NISCH: variants seen among roughly 807,000 people sequenced by gnomAD.
NISCH encodes the protein I-1 receptor candidate protein.
NISCH carries 55 observed loss-of-function variants against 138.4 expected under a neutral mutation model. The observed-to-expected ratio is 0.40, with a 90% CI of 0.32 to 0.50. The LOEUF is 0.50. Among genes scored for constraint, NISCH ranks in the 20% least tolerant of loss-of-function variants. The pLI, the probability that NISCH is intolerant of heterozygous loss-of-function variation, is 0.71. For missense variants in NISCH, 1,643 were observed against 2,005.5 expected (o/e 0.82, Z 3.45); for synonymous variants, 860 against 861.5 (o/e 1.00, Z 0.03).
rs781228921 is a variant in NISCH, at chr3:52,490,851, CT to C, written c.3742+21del. 8.7e-6 allele frequency: 14 copies of C among 1,613,736 alleles called. No homozygotes were observed. In the South Asian group the frequency reaches 1.5e-4, roughly 18 times the overall value. On this transcript the variant is annotated intron_variant, in intron 19 of 20. Transcript: ENST00000345716. ...GCTGACGGGTGGGTGACCCTCTGTG[CT>C]TTGTCCTATTTCGGGTGAAGGCCAG...
At position 52,460,630 on chromosome 3, in the gene NISCH, G is replaced by A. The variant is rs796287655; in HGVS notation, c.360+1786G>A. ...TATTGCTCAGGTTGGCCTCAAACTCGAACTCAAGCCATCCTCCCACCTCTG... is the reference window on the plus strand; with the variant it reads ...TATTGCTCAGGTTGGCCTCAAACTCAAACTCAAGCCATCCTCCCACCTCTG... On this transcript the variant is annotated intron_variant, in intron 3 of 20. Coordinates refer to ENST00000345716, the MANE Select transcript of NISCH (RefSeq NM_007184.4). 4.6e-5 allele frequency among the ~76,000 whole-genome samples: 7 copies of A among 152,152 alleles called. No individual in the cohort carries two copies. The South Asian group carries it at 1.5e-3, about 32-fold the overall frequency.
At position 52,489,798 on chromosome 3, in the gene NISCH, C is replaced by T. The variant is rs551748676; in HGVS notation, c.3456+120C>T. On this transcript the variant is annotated intron_variant, in intron 17 of 20. Coordinates refer to ENST00000345716, the MANE Select transcript of NISCH (RefSeq NM_007184.4). ...CCTGATGTCGGAGTCCTCAGCTGAG[C>T]TGCTCACAGCTTTGAGGACCTGGGC... is the stretch of plus-strand genomic sequence containing the variant. 73 of 1,458,644 alleles carry T rather than the reference C, an allele frequency of 5.0e-5. No homozygotes were observed. In the African/African-American group the frequency reaches 9.3e-4, roughly 19 times the overall value. The allele number at this position is 1,458,644 out of a possible 1,614,324, so 90.4% of individuals were successfully genotyped here. A position where few individuals can be genotyped will look rare whatever the true frequency, so the allele number is the denominator to read the frequency against.
intron 3 of NISCH, 69 bp from the exon 4 acceptor site, chr3:52,470,790 G>T (rs1706921607): frequency 3.9e-6 from 5 of 1,269,398 alleles, no homozygotes; most frequent in Non-Finnish European, 5.8e-6. Context: ...GGGATAGATA[G>T]CGGGGAATGT....
At chr3:52,470,363 T>G (rs538370422) in intron 3 of NISCH, among the ~76,000 whole-genome samples, 2 of 152,328 alleles carry the variant, frequency 1.3e-5, no homozygotes, top group East Asian at 3.9e-4. Context: ...ACTCTTTTCC[T>G]GAGACACATT....
rs1454743892 is a variant in NISCH at position 52,473,767 on chromosome 3, C to T, written c.703C>T (p.Leu235=). ...SHCDAKHIRG[L]VASKPTLATL... ...CTGTGATGCTAAGCACATCAGAGGGCTGGTCGCATCGAAGCCCACCTTAGC... is the reference window on the plus strand; with the variant it reads ...CTGTGATGCTAAGCACATCAGAGGGTTGGTCGCATCGAAGCCCACCTTAGC... Residue 235 remains leucine (L), a synonymous_variant, in exon 7 of 21, where the codon CTG becomes TTG. Transcript: ENST00000345716. 3 of 1,608,972 alleles carry T rather than the reference C, an allele frequency of 1.9e-6. No individual in the cohort carries two copies. The highest frequency in any genetic ancestry group is 2.6e-6 in the Non-Finnish European group (3 of 1,175,824).
At position 52,463,631 on chromosome 3, in the gene NISCH, T is replaced by C. The variant is rs80293843; in HGVS notation, c.360+4787T>C. Among the ~76,000 whole-genome samples, 212 of 151,954 alleles carry C rather than the reference T, an allele frequency of 1.4e-3. 2 individuals are homozygous for C. Among genetic ancestry groups the C allele is most frequent in the African/African-American group, 4.6e-3 (192 of 41,496 alleles). ...CACTTCTTGTCCATTTTTTTTTAAA[T>C]CTTAGTTGTTCTGGTGGGTGTGAAG... On this transcript the variant is annotated intron_variant, in intron 3 of 20. Coordinates refer to ENST00000345716, the MANE Select transcript of NISCH (RefSeq NM_007184.4).
At chr3:52,488,851 C>T (rs1707484900) in intron 16 of NISCH, among the ~76,000 whole-genome samples, 1 of 152,208 alleles carries the variant, frequency 6.6e-6, no homozygotes, top group Admixed American at 6.5e-5. Flanking sequence ...GTTGGCCCAG[C>T]CTCTTGCCAC....
intron 3 of NISCH, among the ~76,000 whole-genome samples, chr3:52,466,967 T>C (rs1706797460): frequency 6.6e-6 from 1 of 151,828 alleles, no homozygotes; most frequent in Admixed American, 6.6e-5. Flanking sequence ...TGTTAACAGT[T>C]TGTAAACATA....
At chr3:52,489,219 C>G (rs1707494543) in intron 16 of NISCH, 117 bp from the exon 17 acceptor site, 1 of 1,270,136 alleles carries the variant, frequency 7.9e-7, no homozygotes. Context: ...GGTGGAAGTC[C>G]CCAGTAACCC....
Position 52,487,283 on chromosome 3 carries a change from C to A in NISCH, c.1791C>A (p.Ala597=). 1 of 1,614,172 alleles carries A rather than the reference C, an allele frequency of 6.2e-7. No individual in the cohort carries two copies. Among genetic ancestry groups the A allele is most frequent in the Non-Finnish European group, 8.5e-7 (1 of 1,180,046 alleles). The change falls in exon 16 of 21, where the codon GCC becomes GCA. Residue 597 remains alanine, a synonymous_variant. Transcript: ENST00000345716. The surrounding 1 kb of genome is among the most constrained non-coding windows in gnomAD (Gnocchi z 9.1). The stretch of plus-strand genomic sequence containing the variant: ...CCTTCACCTGCATTGGCTACACGGC[C>A]ACCAATCAGGACTTCATCCAGCGCC... ...FLPFTCIGYT[A]TNQDFIQRLS...
chr3:52,489,237 A>G (rs1033134499), intron 16 of NISCH, 99 bp from the exon 17 acceptor site: 17 of 1,397,140 alleles, frequency 1.2e-5, no homozygotes, highest in Non-Finnish European at 1.7e-5. Context: ...CCCAGAGGTG[A>G]TGTGTGATGC....
rs777667289 is a variant in NISCH, at chr3:52,487,819, C to A, written c.2327C>A (p.Pro776Gln). ...GDLTEFGFLM[P>Q]ELCLVLKVRH... ...CTCACCGAGTTTGGCTTCCTCATGCCGGAGCTGTGTCTGGTGCTCAAGGTA... is the reference window on the plus strand; with the variant it reads ...CTCACCGAGTTTGGCTTCCTCATGCAGGAGCTGTGTCTGGTGCTCAAGGTA... Residue 776 changes from proline to glutamine, a missense_variant, in exon 16 of 21, where the codon CCG becomes CAG. Transcript: ENST00000345716. The surrounding 1 kb of genome is among the most constrained non-coding windows in gnomAD (Gnocchi z 9.1). 6.2e-7 allele frequency: 1 copy of A among 1,613,354 alleles called. No individual in the cohort carries two copies. Among genetic ancestry groups the A allele is most frequent in the Non-Finnish European group, 8.5e-7 (1 of 1,179,940 alleles).
chr3:52,490,621 C>CTGT, intron 18 of NISCH, 84 bp from the exon 19 acceptor site: 1 of 1,582,542 alleles, frequency 6.3e-7, no homozygotes, highest in Non-Finnish European at 8.6e-7. Context: ...CCAAGAGGAC[C>CTGT]TGTTCCTGCT....
chr3:52,484,730 C>A, intron 14 of NISCH, 93 bp downstream of exon 14: 1 of 1,460,276 alleles, frequency 6.8e-7, no homozygotes, highest in Non-Finnish European at 9.5e-7. Flanking sequence ...CTAGCTGGAG[C>A]TGAGGCAGAT....
Position 52,488,337 on chromosome 3 carries a change from T to TCCA in NISCH, c.2848_2850dup (p.Thr950dup). 4 of 1,613,204 alleles carry TCCA rather than the reference T, an allele frequency of 2.5e-6. No homozygotes were observed. The highest frequency in any genetic ancestry group is 3.4e-6 in the Non-Finnish European group (4 of 1,180,004). ...CTTCAAGCTCAGCCGTGTGCCGCTCTCCACCGTGCTGCTGGACCCCACACG... is the reference window on the plus strand; with the variant it reads ...CTTCAAGCTCAGCCGTGTGCCGCTCTCCACCACCGTGCTGCTGGACCCCACACG... On this transcript the variant is annotated inframe_insertion, in exon 16 of 21. Transcript: ENST00000345716.
intron 3 of NISCH, among the ~76,000 whole-genome samples, chr3:52,462,094 C>T (rs1706652220): frequency 6.6e-6 from 1 of 152,110 alleles, no homozygotes; most frequent in Admixed American, 6.6e-5. Context: ...CCGGCTACAT[C>T]TGGTTCTGGT....
intron 3 of NISCH, among the ~76,000 whole-genome samples, chr3:52,465,035 A>G (rs1017755832): frequency 6.6e-6 from 1 of 152,202 alleles, no homozygotes; most frequent in Admixed American, 6.5e-5. Flanking sequence ...AGTTCAATTT[A>G]TCAATTTCTT....
Position 52,464,114 on chromosome 3 carries a change from G to A in NISCH, c.360+5270G>A, listed in dbSNP as rs1008883232. Reference sequence around the variant, plus strand: ...TCTTTGTCTTTTTAAAAATCAGATTGGGCCGGGCGCGGGTGGCTCATGCCT... The same window carrying A: ...TCTTTGTCTTTTTAAAAATCAGATTAGGCCGGGCGCGGGTGGCTCATGCCT... On this transcript the variant is annotated intron_variant, in intron 3 of 20. Transcript: ENST00000345716. 3.3e-5 allele frequency among the ~76,000 whole-genome samples: 5 copies of A among 151,794 alleles called. No homozygotes were observed. In the East Asian group the frequency reaches 9.7e-4, roughly 30 times the overall value.
chr3:52,479,693 C>T, intron 11 of NISCH, 56 bp from the exon 12 acceptor site: 1 of 1,235,934 alleles, frequency 8.1e-7, no homozygotes, highest in Non-Finnish European at 1.2e-6. Flanking sequence ...CACCAGTCCC[C>T]ATGCTGATAG....
Sources: gnomAD v4.1 joint callset for allele counts (sites outside exome capture counted in the v4.1 genomes callset) on GRCh38, gnomAD v4.1.1 for gene constraint, Gnocchi (gnomAD v3.1) non-coding constraint, MANE v1.5 for transcripts, NCBI Gene and HGNC (gene_info 2026-07-23, HGNC 2026-07-21) for gene names.